LRIT3: variants seen among roughly 807,000 people sequenced by gnomAD.
The protein encoded by LRIT3 is leucine rich repeat, Ig-like and transmembrane domains 3, also known as leucine-rich repeat, immunoglobulin-like domain and transmembrane domain-containing protein 3.
Under a neutral mutation model 22.6 loss-of-function variants are expected in LRIT3, and 14 were observed. The ratio of observed to expected loss-of-function variants is 0.62; its 90% CI spans 0.41 to 0.97. The LOEUF (loss-of-function observed/expected upper bound fraction) is 0.97, where lower values mean the gene tolerates loss of function less well. LRIT3 is among the 50% of genes least tolerant of loss of function. LRIT3 has a pLI of 0.00. For missense variants in LRIT3, 783 were observed against 803.0 expected (o/e 0.98, Z 0.30); for synonymous variants, 306 against 304.5 (o/e 1.01, Z -0.05).
rs1734790762 is a variant in LRIT3, at chr4:109,870,128, A to G, written c.1379A>G (p.Lys460Arg). The change falls in exon 4 of 4, where the codon AAG (lysine) becomes AGG (arginine). Residue 460 changes from lysine to arginine, a missense_variant. Physicochemically the swap from Lys to Arg is conservative, Grantham distance 26 (BLOSUM62 2). Coordinates refer to ENST00000594814, the MANE Select transcript of LRIT3 (RefSeq NM_198506.5). ...TTAAAGGTGGCAAAGAATGGAAGTAAGCTTCCTCCAGCCAGCACAAGTAAG... is the reference window on the plus strand; with the variant it reads ...TTAAAGGTGGCAAAGAATGGAAGTAGGCTTCCTCCAGCCAGCACAAGTAAG... ...RNLKVAKNGS[K>R]LPPASTSKKE... The G allele has an allele frequency of 6.2e-7, 1 of 1,614,208 alleles. No individual in the cohort carries two copies.
chr4:109,868,560 A>C (rs1440897161), intron 3 of LRIT3, among the ~76,000 whole-genome samples: 1 of 151,528 alleles, frequency 6.6e-6, no homozygotes, highest in African/African-American at 2.4e-5. Flanking sequence ...TTAAAAAAAA[A>C]AAAAAAAAAA....
chr4:109,853,113 G>A (rs1230931114), intron 2 of LRIT3, among the ~76,000 whole-genome samples: 1 of 152,174 alleles, frequency 6.6e-6, no homozygotes, highest in Non-Finnish European at 1.5e-5. Context: ...TGAGATTGCT[G>A]GGTCAAATGG....
At position 109,870,604 on chromosome 4, in the gene LRIT3, G is replaced by A. The variant is rs1467611656; in HGVS notation, c.1855G>A (p.Asp619Asn). 1.2e-6 allele frequency: 2 copies of A among 1,613,690 alleles called. No individual in the cohort carries two copies. The highest frequency in any genetic ancestry group is 1.7e-6 in the Non-Finnish European group (2 of 1,179,710). Reference sequence around the variant, plus strand: ...ATGTAAATCAGAACCTTTTTGGGAAGATGATTTGGCAAAGGAGACTTATAT... The same window carrying A: ...ATGTAAATCAGAACCTTTTTGGGAAAATGATTTGGCAAAGGAGACTTATAT... Reference protein sequence around the residue: ...LQCKSEPFWEDDLAKETYIQF... With the variant: ...LQCKSEPFWENDLAKETYIQF... Residue 619 changes from aspartate (D) to asparagine (N), a missense_variant, in exon 4 of 4, where the codon GAT becomes AAT. This residue lies in a region of LRIT3 where 756 missense variants were observed against 753.8 expected (regional missense o/e 1.00). Coordinates refer to ENST00000594814, the MANE Select transcript of LRIT3 (RefSeq NM_198506.5).
At chr4:109,863,916 G>A (rs189153517) in intron 2 of LRIT3, among the ~76,000 whole-genome samples, 129 of 152,238 alleles carry the variant, frequency 8.5e-4, no homozygotes, top group Non-Finnish European at 7.9e-4. Flanking sequence ...GGAGAAGCAC[G>A]GTCTTTGCCA....
At chr4:109,858,937 C>T (rs1376444646) in intron 2 of LRIT3, among the ~76,000 whole-genome samples, 3 of 152,130 alleles carry the variant, frequency 2.0e-5, no homozygotes, top group East Asian at 3.8e-4. Context: ...CCCATAACCG[C>T]AAAACATGAA....
intron 2 of LRIT3, among the ~76,000 whole-genome samples, chr4:109,859,768 A>G (rs1734490256): frequency 6.6e-6 from 1 of 152,220 alleles, no homozygotes; most frequent in African/African-American, 2.4e-5. Flanking sequence ...CTGACTGCAC[A>G]TCCATTCATA....
chr4:109,851,829 G>A lies in LRIT3; in HGVS notation c.442G>A (p.Ala148Thr). 1 of 1,551,682 alleles carries A rather than the reference G, an allele frequency of 6.4e-7. No individual in the cohort carries two copies. The highest frequency in any genetic ancestry group is 8.7e-7 in the Non-Finnish European group (1 of 1,147,006). Residue 148 changes from alanine (A) to threonine (T), a missense_variant, in exon 2 of 4, where the codon GCG becomes ACG. Physicochemically the swap from Ala to Thr is moderately conservative, Grantham distance 58. Transcript: ENST00000594814. ...CAAAATAACCAGTGTGCCAAATGAGGCGCTCAGGTATCTGAAGAACCTTGC... is the reference window on the plus strand; with the variant it reads ...CAAAATAACCAGTGTGCCAAATGAGACGCTCAGGTATCTGAAGAACCTTGC... ...NNKITSVPNEALRYLKNLAYL... is the reference protein window; with the variant it reads ...NNKITSVPNETLRYLKNLAYL...
intron 2 of LRIT3, among the ~76,000 whole-genome samples, chr4:109,858,891 G>A (rs1362955599): frequency 6.6e-6 from 1 of 152,114 alleles, no homozygotes; most frequent in East Asian, 1.9e-4. Flanking sequence ...ACTGCAATAG[G>A]CTGGACCATT....
chr4:109,865,309 T>G (rs763501882), intron 2 of LRIT3: 2 of 1,604,448 alleles, frequency 1.2e-6, no homozygotes, highest in Non-Finnish European at 1.7e-6. Context: ...TTTTAAAATT[T>G]CTCTTTCATA....
chr4:109,855,591 G>T (rs1253935357), intron 2 of LRIT3, among the ~76,000 whole-genome samples: 1 of 152,182 alleles, frequency 6.6e-6, no homozygotes, highest in South Asian at 2.1e-4. Flanking sequence ...GCTTTTGAAT[G>T]TGTTTGCTCT....
At chr4:109,868,952 G>T (rs1320322698) in intron 3 of LRIT3, among the ~76,000 whole-genome samples, 1 of 152,114 alleles carries the variant, frequency 6.6e-6, no homozygotes, top group Non-Finnish European at 1.5e-5. Flanking sequence ...TCTTTGAAAA[G>T]CTTCTGAAAT....
chr4:109,867,847 G>A lies in LRIT3; in HGVS notation c.796G>A (p.Ala266Thr). The A allele has an allele frequency of 6.2e-7, 1 of 1,614,144 alleles. No individual in the cohort carries two copies. Among genetic ancestry groups the A allele is most frequent in the Non-Finnish European group, 8.5e-7 (1 of 1,180,020 alleles). ...VMTSATKIMSALGSNVLLRCD... is the reference protein window; with the variant it reads ...VMTSATKIMSTLGSNVLLRCD... Reference sequence around the variant, plus strand: ...GACCTCAGCCACCAAAATCATGTCTGCTCTGGGCAGTAATGTTCTACTGCG... The same window carrying A: ...GACCTCAGCCACCAAAATCATGTCTACTCTGGGCAGTAATGTTCTACTGCG... The change falls in exon 3 of 4, where the codon GCT becomes ACT. Residue 266 changes from alanine (A) to threonine (T), a missense_variant. Ala to Thr is a moderately conservative substitution (Grantham distance 58). This residue lies in a region of LRIT3 where 756 missense variants were observed against 753.8 expected (regional missense o/e 1.00). Coordinates refer to ENST00000594814, the MANE Select transcript of LRIT3 (RefSeq NM_198506.5).
intron 1 of LRIT3, among the ~76,000 whole-genome samples, chr4:109,850,387 C>T (rs1270615668): frequency 0.02 from 13 of 636 alleles, no homozygotes; most frequent in African/African-American, 0.042. Context: ...TCCTTCCTTC[C>T]TTCCTTCCTT....
chr4:109,856,605 G>A (rs900486198), intron 2 of LRIT3, among the ~76,000 whole-genome samples: 24 of 152,098 alleles, frequency 1.6e-4, no homozygotes, highest in African/African-American at 5.8e-4. Flanking sequence ...CTTGTAAATG[G>A]CGTTTTACTG....
At chr4:109,867,608 A>T in intron 2 of LRIT3, 33 bp from the exon 3 acceptor site, 1 of 1,590,202 alleles carries the variant, frequency 6.3e-7, no homozygotes, top group Non-Finnish European at 8.6e-7. Flanking sequence ...CATCAGAATA[A>T]TCTTTGTCAA....
At chr4:109,858,561 G>T (rs1041371802) in intron 2 of LRIT3, among the ~76,000 whole-genome samples, 16 of 152,062 alleles carry the variant, frequency 1.1e-4, no homozygotes, top group Admixed American at 1.0e-3. Flanking sequence ...CATTAAAATA[G>T]AAACTTTTGA....
intron 2 of LRIT3, among the ~76,000 whole-genome samples, chr4:109,858,544 T>C (rs1734459632): frequency 6.6e-6 from 1 of 152,142 alleles, no homozygotes; most frequent in African/African-American, 2.4e-5. Context: ...GCGTAGACTC[T>C]TCCCCACATT....
Position 109,848,119 on chromosome 4 carries a change from C to G in LRIT3, c.-83C>G. On this transcript the variant is annotated 5_prime_UTR_variant, in exon 1 of 4. Coordinates refer to ENST00000594814, the MANE Select transcript of LRIT3 (RefSeq NM_198506.5). The stretch of plus-strand genomic sequence containing the variant: ...CGTGTAATCTGCTGTTACTAAATGG[C>G]TGTTTGTATTCCAGGCATACCAGGT... 1 of 563,956 alleles carries G rather than the reference C, an allele frequency of 1.8e-6. No individual in the cohort carries two copies. Among genetic ancestry groups the G allele is most frequent in the Admixed American group, 4.4e-5 (1 of 22,866 alleles). The allele number at this position is 563,956 out of a possible 1,614,324, so 34.9% of individuals were successfully genotyped here.
chr4:109,852,143 G>C (rs1426593960), intron 2 of LRIT3, among the ~76,000 whole-genome samples, 167 bp downstream of exon 2: 2 of 152,186 alleles, frequency 1.3e-5, no homozygotes, highest in Non-Finnish European at 2.9e-5. Context: ...CCTTTCTCCT[G>C]TGTAAGGTGT....
Sources: gnomAD v4.1 joint callset for allele counts (sites outside exome capture counted in the v4.1 genomes callset) on GRCh38, gnomAD v4.1.1 for gene constraint, gnomAD v4.1.1 regional missense constraint, MANE v1.5 for transcripts, NCBI Gene and HGNC (gene_info 2026-07-23, HGNC 2026-07-21) for gene names.